Variants in RNF103 observed in about 807,000 individuals in gnomAD.
The protein encoded by RNF103 is E3 ubiquitin-protein ligase RNF103.
A neutral mutation model predicts 66.2 loss-of-function variants in RNF103; 23 were observed. That is an observed-to-expected ratio of 0.35 (90% CI 0.25 to 0.49). The LOEUF is 0.49. RNF103 is among the 20% of genes least tolerant of loss of function. The pLI, the probability that RNF103 is intolerant of heterozygous loss-of-function variation, is 0.98. For synonymous variants in RNF103, 297 were observed against 289.9 expected, an observed-to-expected ratio of 1.02 and a Z score of -0.25; for missense variants, 730 against 814.7, an observed-to-expected ratio of 0.90 and a Z score of 1.27.
rs530694868 is a variant in RNF103, at chr2:86,622,842, C to G, written c.45G>C (p.Leu15=). 6.2e-7 allele frequency: 1 copy of G among 1,613,886 alleles called. No homozygotes were observed. The highest frequency in any genetic ancestry group is 1.6e-4 in the Middle Eastern group (1 of 6,062). ...LFFLLLYFLV[L]FVLARFFEAI... Reference sequence around the variant, plus strand: ...CCTCAAAAAACCTGGCCAGGACGAACAGGACCAGGAAATAGAGGAGCAAGA... The same window carrying G: ...CCTCAAAAAACCTGGCCAGGACGAAGAGGACCAGGAAATAGAGGAGCAAGA... Residue 15 remains leucine, a synonymous_variant, in exon 1 of 4, where the codon CTG becomes CTC. Transcript: ENST00000237455.
At position 86,604,516 on chromosome 2, in the gene RNF103, T is replaced by A. The variant is rs1678468958; in HGVS notation, c.1385A>T (p.Tyr462Phe). Residue 462 changes from tyrosine to phenylalanine, a missense_variant, in exon 4 of 4, where the codon TAC (tyrosine) becomes TTC (phenylalanine). Transcript: ENST00000237455. Reference sequence around the variant, plus strand: ...AATCGGGTGGAAGAGGTAGCTGGTGTACCAGTCCCACAGACTTGATAACCA... The same window carrying A: ...AATCGGGTGGAAGAGGTAGCTGGTGAACCAGTCCCACAGACTTGATAACCA... ...LEWLSSLWDW[Y>F]TSYLFHPIAS... The A allele has an allele frequency of 4.3e-6, 7 of 1,614,100 alleles. No homozygotes were observed. The highest frequency in any genetic ancestry group is 5.1e-6 in the Non-Finnish European group (6 of 1,180,048).
In RNF103 at chr2:86,605,314, T is replaced by C. The variant is rs747092202; in HGVS notation, c.587A>G (p.Lys196Arg). Reference protein sequence around the residue: ...KVMLKEYSGRKIEVEHIFKWI... With the variant: ...KVMLKEYSGRRIEVEHIFKWI... ...TTTAAAAATGTGCTCTACTTCAATC[T>C]TGCGTCCACTGTATTCTTTAAGCAT... Residue 196 changes from lysine (K) to arginine (R), a missense_variant, in exon 4 of 4, where the codon AAG becomes AGG. Lys to Arg is a conservative substitution (Grantham distance 26). Around this residue, in one of 3 missense-constraint regions of RNF103, gnomAD observed 327 missense variants for 369.8 expected, o/e 0.88. Transcript: ENST00000237455. 12 of 1,614,106 alleles carry C rather than the reference T, an allele frequency of 7.4e-6. No homozygotes were observed. Among genetic ancestry groups the C allele is most frequent in the African/African-American group, 2.7e-5 (2 of 74,958 alleles).
chr2:86,606,662 CAA>C (rs200897796), intron 3 of RNF103, among the ~76,000 whole-genome samples: 60,639 of 97,232 alleles, frequency 0.62, 15,615 homozygotes, highest in East Asian at 0.89. Context: ...AACTTCGTCT[CAA>C]AAAAAAAAAA....
intron 2 of RNF103, among the ~76,000 whole-genome samples, chr2:86,619,193 C>G (rs1314034645): frequency 1.3e-5 from 2 of 152,208 alleles, no homozygotes; most frequent in East Asian, 3.8e-4. Flanking sequence ...TACTGCTAGT[C>G]AGTGACAGTA....
rs1443751891 is a variant in RNF103, at chr2:86,605,122, C to A, written c.779G>T (p.Arg260Ile). The change falls in exon 4 of 4, where the codon AGA becomes ATA. Residue 260 changes from arginine (R) to isoleucine (I), a missense_variant. By Grantham distance (97) the Arg-to-Ile change is moderately conservative. Around this residue, in one of 3 missense-constraint regions of RNF103, gnomAD observed 327 missense variants for 369.8 expected, o/e 0.88. Transcript: ENST00000237455. ...TACATTAACAAAAATAAACTCAACTCTTCCAGTAAACTTTATACTTAGTGC... is the reference window on the plus strand; with the variant it reads ...TACATTAACAAAAATAAACTCAACTATTCCAGTAAACTTTATACTTAGTGC... ...FSALSIKFTGRVEFIFVNVEN... is the reference protein window; with the variant it reads ...FSALSIKFTGIVEFIFVNVEN... The A allele has an allele frequency of 6.2e-7, 1 of 1,613,892 alleles. No individual in the cohort carries two copies. The highest frequency in any genetic ancestry group is 1.3e-5 in the African/African-American group (1 of 75,046).
intron 2 of RNF103, chr2:86,616,748 T>A (rs1260631876): frequency 1.0e-6 from 1 of 985,338 alleles, no homozygotes; most frequent in Non-Finnish European, 1.2e-6. Context: ...AAATTCCATA[T>A]GATGTAACAC....
Position 86,604,773 on chromosome 2 carries a change from G to A in RNF103, c.1128C>T (p.Gly376=). 3.1e-6 allele frequency: 5 copies of A among 1,614,046 alleles called. No homozygotes were observed. The highest frequency in any genetic ancestry group is 3.4e-6 in the Non-Finnish European group (4 of 1,180,026). ...TATCTAAGTAAGGTAGCTGTAAAAA[G>A]CCCAACACAGGTAGCCAGGAAATAA... ...LLIISWLPVL[G]FLQLPYLDSF... Residue 376 remains glycine (G), a synonymous_variant, in exon 4 of 4, where the codon GGC becomes GGT. Transcript: ENST00000237455.
intron 2 of RNF103, among the ~76,000 whole-genome samples, chr2:86,619,633 TTA>T (rs778644396): frequency 1.2e-4 from 19 of 152,206 alleles, no homozygotes; most frequent in Non-Finnish European, 2.1e-4. Flanking sequence ...TTTATGAAAT[TTA>T]TGTTAATATA....
intron 2 of RNF103, 111 bp downstream of exon 2, chr2:86,620,219 T>G: frequency 2.3e-6 from 3 of 1,305,808 alleles, no homozygotes; most frequent in African/African-American, 1.5e-5. Flanking sequence ...GAGTTATGTG[T>G]GAGAAACAAG....
At chr2:86,617,698 A>G (rs1473361291) in intron 2 of RNF103, 2 of 991,268 alleles carry the variant, frequency 2.0e-6, no homozygotes, top group Non-Finnish European at 2.4e-6. Flanking sequence ...ACAATAGATT[A>G]ATATATATGA....
chr2:86,623,800 G>A lies in RNF103; in HGVS notation c.-914C>T. ...GTCCCCAACACCCCCGCCACCTCCG[G>A]AGACCGCGGCCGTACCCTCCACAAC... On this transcript the variant is annotated 5_prime_UTR_variant, in exon 1 of 4. Coordinates refer to ENST00000237455, the MANE Select transcript of RNF103 (RefSeq NM_005667.4). 3 of 1,282,802 alleles carry A rather than the reference G, an allele frequency of 2.3e-6. No homozygotes were observed. The highest frequency in any genetic ancestry group is 3.0e-6 in the Non-Finnish European group (3 of 986,414). 79.5% of individuals were successfully genotyped at this position (1,282,802 alleles called of 1,614,324 possible). A position where few individuals can be genotyped will look rare whatever the true frequency, so the allele number is the denominator to read the frequency against.
At position 86,612,241 on chromosome 2, in the gene RNF103, T is replaced by C. The variant is rs200158355; in HGVS notation, c.400A>G (p.Lys134Glu). 6,620 of 1,613,648 alleles carry C rather than the reference T, an allele frequency of 4.1e-3. 295 individuals are homozygous for C. In the South Asian group the frequency reaches 0.069, roughly 17 times the overall value. Residue 134 changes from lysine (K) to glutamate (E), a missense_variant, in exon 3 of 4, where the codon AAA becomes GAA. By Grantham distance (56) the Lys-to-Glu change is moderately conservative. Around this residue, in one of 3 missense-constraint regions of RNF103, gnomAD observed 327 missense variants for 369.8 expected, o/e 0.88. Coordinates refer to ENST00000237455, the MANE Select transcript of RNF103 (RefSeq NM_005667.4). ...TTAACCATTTTCTCCCAGTGAATTT[T>C]GCCCACCAAGGGACTTCTGTCATTT... is the stretch of plus-strand genomic sequence containing the variant. ...IANDRSPLVG[K>E]IHWEKMVKKV...
chr2:86,605,187 G>A lies in RNF103; in HGVS notation c.714C>T (p.Tyr238=). The A allele has an allele frequency of 1.2e-6, 2 of 1,613,750 alleles. No individual in the cohort carries two copies. The highest frequency in any genetic ancestry group is 2.2e-5 in the East Asian group (1 of 44,866). ...NKSDQYWLKI[Y]LFANLDQPPA... is the part of the protein sequence containing the mutation. ...GGGGCTGGTCAAGGTTTGCAAATAG[G>A]TATATTTTTAACCAATACTGATCAC... Residue 238 remains tyrosine, a synonymous_variant, in exon 4 of 4, where the codon TAC becomes TAT. Transcript: ENST00000237455.
intron 3 of RNF103, among the ~76,000 whole-genome samples, chr2:86,606,902 T>C (rs765187356): frequency 2.0e-5 from 3 of 151,946 alleles, no homozygotes; most frequent in Non-Finnish European, 4.4e-5. Context: ...CTCAGCCTCC[T>C]TGAGTAGCTA....
At chr2:86,617,548 A>G (rs1443971841) in intron 2 of RNF103, 2 of 677,536 alleles carry the variant, frequency 3.0e-6, no homozygotes, top group Non-Finnish European at 1.8e-6. Flanking sequence ...CATAGACTAT[A>G]TAGGATTTGG....
chr2:86,617,657 T>C lies in RNF103; in HGVS notation c.366+2673A>G, dbSNP rs150082755. The C allele has an allele frequency of 1.4e-4, 137 of 985,104 alleles. No homozygotes were observed. In the African/African-American group the frequency reaches 2.2e-3, roughly 16 times the overall value. The allele number at this position is 985,104 out of a possible 1,614,324, so 61.0% of individuals were successfully genotyped here. ...AACAGAAAATAACAACAATTCAAAT[T>C]GTTAAAAACAATTCTTGAAAGTTAT... is the stretch of plus-strand genomic sequence containing the variant. On this transcript the variant is annotated intron_variant, in intron 2 of 3. Coordinates refer to ENST00000237455, the MANE Select transcript of RNF103 (RefSeq NM_005667.4).
intron 2 of RNF103, chr2:86,615,139 A>G: frequency 2.0e-6 from 2 of 985,400 alleles, no homozygotes; most frequent in East Asian, 1.1e-4. Context: ...GTGAGTGAAA[A>G]GAGTTGGGAA....
rs1044848091 is a variant in RNF103 at position 86,623,657 on chromosome 2, C to G, written c.-771G>C. The G allele has an allele frequency of 3.4e-6, 4 of 1,161,146 alleles. No homozygotes were observed. The highest frequency in any genetic ancestry group is 3.2e-5 in the South Asian group (2 of 63,342). The allele number at this position is 1,161,146 out of a possible 1,614,324, so 71.9% of individuals were successfully genotyped here. On this transcript the variant is annotated 5_prime_UTR_variant, in exon 1 of 4. Transcript: ENST00000237455. ...CGCGGTCTCTGCAGATGGAATCGGT[C>G]TCGGAGGGAAAAAACCAATAATAGG...
In RNF103 at chr2:86,623,214, A is replaced by G; in HGVS notation, c.-328T>C. On this transcript the variant is annotated 5_prime_UTR_variant, in exon 1 of 4. Coordinates refer to ENST00000237455, the MANE Select transcript of RNF103 (RefSeq NM_005667.4). ...GGCGCGGGGAGAGCTCGCGGGGAAG[A>G]ACAAAACGAGGGACGCTTCCCCCGG... The G allele has an allele frequency of 8.8e-6, 9 of 1,023,120 alleles. No homozygotes were observed. Among genetic ancestry groups the G allele is most frequent in the Non-Finnish European group, 1.1e-5 (9 of 856,426 alleles). The allele number at this position is 1,023,120 out of a possible 1,614,324, so 63.4% of individuals were successfully genotyped here. A position where few individuals can be genotyped will look rare whatever the true frequency, so the allele number is the denominator to read the frequency against.
Sources: allele counts gnomAD v4.1 joint callset (sites outside exome capture counted in the v4.1 genomes callset), GRCh38; gene constraint gnomAD v4.1.1; regional missense constraint gnomAD v4.1.1; transcripts MANE v1.5; gene names NCBI Gene and HGNC (gene_info 2026-07-23, HGNC 2026-07-21).